The following RBFOX1 variants were observed in gnomAD, a reference collection of about 807,000 sequenced individuals.
RBFOX1 encodes the protein RNA binding protein fox-1 homolog 1.
RBFOX1 carries 8 observed loss-of-function variants against 57.7 expected under a neutral mutation model. The ratio of observed to expected loss-of-function variants is 0.14; its 90% CI spans 0.08 to 0.25. The LOEUF (loss-of-function observed/expected upper bound fraction) is 0.25, where lower values mean the gene tolerates loss of function less well. Among genes scored for constraint, RBFOX1 ranks in the 10% least tolerant of loss-of-function variants. RBFOX1 has a pLI of 1.00. For missense variants in RBFOX1, 611 were observed against 548.5 expected, an observed-to-expected ratio of 1.11 and a Z score of -1.14; for synonymous variants, 326 against 222.4, an observed-to-expected ratio of 1.47 and a Z score of -4.15.
At chr16:6,679,874 ACTTGTTTTTTT>A (rs1377213916) in intron 3 of RBFOX1, among the ~76,000 whole-genome samples, 4 of 105,312 alleles carry the variant, frequency 3.8e-5, no homozygotes, top group African/African-American at 1.8e-4. Flanking sequence ...CATAGTTTCT[ACTTGTTTTTTT>A]TTTTTTTTTT....
chr16:5,520,989 A>G (rs1322712902), intron 2 of RBFOX1, among the ~76,000 whole-genome samples: 1 of 152,230 alleles, frequency 6.6e-6, no homozygotes, highest in Non-Finnish European at 1.5e-5. Context: ...TAAGAAAAGC[A>G]TATTGTTAAA....
chr16:5,250,777 G>A (rs76523454), intron 1 of RBFOX1, among the ~76,000 whole-genome samples: 6 of 152,244 alleles, frequency 3.9e-5, no homozygotes, highest in African/African-American at 7.2e-5. Context: ...GCCCTGCACC[G>A]ATACGTCTGT....
At chr16:6,951,387 G>T (rs2080732005) in intron 3 of RBFOX1, among the ~76,000 whole-genome samples, 1 of 152,132 alleles carries the variant, frequency 6.6e-6, no homozygotes, top group South Asian at 2.1e-4. Context: ...CTAGTATAAT[G>T]GCTTAAAACA....
chr16:5,974,306 T>C (rs1323362332), intron 4 of RBFOX1, among the ~76,000 whole-genome samples: 2 of 152,118 alleles, frequency 1.3e-5, no homozygotes, highest in African/African-American at 2.4e-5. Flanking sequence ...GAGAGAAACA[T>C]ACCTGATTAA....
At chr16:7,591,358 A>G (rs1323728755) in intron 7 of RBFOX1, among the ~76,000 whole-genome samples, 1 of 152,140 alleles carries the variant, frequency 6.6e-6, no homozygotes, top group African/African-American at 2.4e-5. Flanking sequence ...AGGATGAAAA[A>G]TCAGTACCTT....
chr16:6,217,127 C>G (rs1407496780), intron 1 of RBFOX1, among the ~76,000 whole-genome samples: 2 of 151,122 alleles, frequency 1.3e-5, no homozygotes, highest in Admixed American at 6.6e-5. Flanking sequence ...CAGTCATAGT[C>G]ACCTCTGTGT....
At chr16:7,614,168 T>A (rs1568101866) in intron 10 of RBFOX1, 1 of 152,196 alleles carries the variant, frequency 6.6e-6, no homozygotes, top group Non-Finnish European at 1.5e-5. Context: ...TTTTGCATAG[T>A]TTACGCATCT....
At chr16:6,829,025 C>A (rs2092471032) in intron 3 of RBFOX1, among the ~76,000 whole-genome samples, 1 of 152,078 alleles carries the variant, frequency 6.6e-6, no homozygotes, top group East Asian at 1.9e-4. Flanking sequence ...TCCTTGAATT[C>A]CTTCTTGAGA....
chr16:7,608,021 G>A (rs1020399868), intron 10 of RBFOX1, among the ~76,000 whole-genome samples: 1 of 152,130 alleles, frequency 6.6e-6, no homozygotes, highest in Admixed American at 6.5e-5. Flanking sequence ...CGATGTCCTC[G>A]GCTTGGCCCG....
chr16:6,676,320 C>G (rs537125756), intron 3 of RBFOX1, among the ~76,000 whole-genome samples: 1 of 152,056 alleles, frequency 6.6e-6, no homozygotes, highest in Non-Finnish European at 1.5e-5. Context: ...GAGTACTATC[C>G]TGCCTTCCAG....
intron 4 of RBFOX1, among the ~76,000 whole-genome samples, chr16:5,998,865 A>C (rs939684301): frequency 2.6e-4 from 40 of 152,192 alleles, no homozygotes; most frequent in East Asian, 1.5e-3. Flanking sequence ...TAATCCATTT[A>C]ATTCCAAATG....
intron 4 of RBFOX1, among the ~76,000 whole-genome samples, chr16:5,918,305 A>G (rs904554540): frequency 6.6e-6 from 1 of 152,152 alleles, no homozygotes; most frequent in Non-Finnish European, 1.5e-5. Flanking sequence ...TTTTTAGTAC[A>G]GACGGGGTTT....
At chr16:5,368,147 C>A (rs1263352497) in intron 1 of RBFOX1, among the ~76,000 whole-genome samples, 1 of 152,216 alleles carries the variant, frequency 6.6e-6, no homozygotes, top group African/African-American at 2.4e-5. Flanking sequence ...TCATATCCAA[C>A]CTCTGGGAGC....
intron 11 of RBFOX1, among the ~76,000 whole-genome samples, chr16:7,642,483 G>T (rs902378595): frequency 1.3e-5 from 2 of 152,134 alleles, no homozygotes; most frequent in Non-Finnish European, 2.9e-5. Flanking sequence ...TTCATGTTCA[G>T]GAGCTGCGTC....
intron 2 of RBFOX1, among the ~76,000 whole-genome samples, chr16:6,349,824 T>A (rs2085980021): frequency 6.6e-6 from 1 of 152,122 alleles, no homozygotes; most frequent in Non-Finnish European, 1.5e-5. Context: ...GGAAAAATGA[T>A]TAATAAGATA....
intron 1 of RBFOX1, among the ~76,000 whole-genome samples, chr16:6,064,433 C>A (rs756229744): frequency 6.6e-6 from 1 of 152,144 alleles, no homozygotes; most frequent in South Asian, 2.1e-4. Flanking sequence ...TTAAATTTAT[C>A]TTTGGGGGGA....
chr16:6,574,655 C>G (rs896670496), intron 2 of RBFOX1, among the ~76,000 whole-genome samples: 3 of 146,274 alleles, frequency 2.1e-5, no homozygotes, highest in Non-Finnish European at 4.6e-5. Flanking sequence ...GTCTCGATCT[C>G]CTGACCTCGT....
intron 4 of RBFOX1, among the ~76,000 whole-genome samples, chr16:7,311,630 G>A (rs983441654): frequency 2.0e-5 from 3 of 152,086 alleles, no homozygotes; most frequent in Admixed American, 2.0e-4. Flanking sequence ...CACGGGGCAA[G>A]CCCTGCTCTT....
intron 1 of RBFOX1, among the ~76,000 whole-genome samples, chr16:6,151,543 C>G (rs1177693252): frequency 6.6e-6 from 1 of 152,218 alleles, no homozygotes; most frequent in Non-Finnish European, 1.5e-5. Flanking sequence ...GCCTTAGCCT[C>G]CCAAAGTGCT....
Sources: gnomAD v4.1 joint callset for allele counts (sites outside exome capture counted in the v4.1 genomes callset) on GRCh38, gnomAD v4.1.1 for gene constraint, MANE v1.5 for transcripts, NCBI Gene and HGNC (gene_info 2026-07-23, HGNC 2026-07-21) for gene names.